The following DPP6 variants were observed in gnomAD, a reference collection of about 807,000 sequenced individuals.
DPP6 encodes the protein dipeptidyl peptidase like 6, also known as A-type potassium channel modulatory protein DPP6.
Under a neutral mutation model 122.6 loss-of-function variants are expected in DPP6, and 69 were observed. The ratio of observed to expected loss-of-function variants is 0.56; its 90% CI spans 0.46 to 0.69. The LOEUF (loss-of-function observed/expected upper bound fraction) is 0.69. Ranked by LOEUF, DPP6 falls within the 30% of genes least tolerant of loss-of-function variation. The probability of loss-of-function intolerance (pLI) is 0.00; values close to 1 mark genes in which losing one functional copy is unlikely to be tolerated. For synonymous variants in DPP6, 418 were observed against 433.1 expected, an observed-to-expected ratio of 0.97 and a Z score of 0.43; for missense variants, 928 against 1,116.9, an observed-to-expected ratio of 0.83 and a Z score of 2.41.
At position 154,672,734 on chromosome 7, in the gene DPP6, G is replaced by A. The variant is rs79620446; in HGVS notation, c.762+3293G>A. 2.1e-3 allele frequency among the ~76,000 whole-genome samples: 322 copies of A among 152,288 alleles called. 2 individuals carry two copies. The highest frequency in any genetic ancestry group is 0.016 in the Admixed American group (240 of 15,308). On this transcript the variant is annotated intron_variant, in intron 7 of 25. Transcript: ENST00000377770. ...TACATGCATGTACTGAGCTTAAGAC[G>A]CAATATAGCTCATTGTTGAGTGAGT...
chr7:154,492,333 A>G (rs993631474), intron 3 of DPP6, among the ~76,000 whole-genome samples: 4 of 152,228 alleles, frequency 2.6e-5, no homozygotes, highest in African/African-American at 7.2e-5. Context: ...CAAACATCAG[A>G]TAGCAATATC....
intron 1 of DPP6, among the ~76,000 whole-genome samples, chr7:154,214,047 A>G (rs575663192): frequency 2.3e-4 from 35 of 152,314 alleles, no homozygotes; most frequent in African/African-American, 6.5e-4. Flanking sequence ...TTCTTAGGAA[A>G]CATGAAGCCC....
At chr7:153,960,330 CT>C (rs1254757094) in intron 1 of DPP6, among the ~76,000 whole-genome samples, 2 of 151,980 alleles carry the variant, frequency 1.3e-5, no homozygotes, top group African/African-American at 4.8e-5. Flanking sequence ...AGTTGACTTC[CT>C]TGTGTACGCA....
chr7:153,943,780 T>A (rs937740979), intron 1 of DPP6, among the ~76,000 whole-genome samples: 1 of 152,194 alleles, frequency 6.6e-6, no homozygotes, highest in African/African-American at 2.4e-5. Flanking sequence ...TGCCTCCCCC[T>A]AAGCTAGCAG....
intron 1 of DPP6, among the ~76,000 whole-genome samples, chr7:154,304,612 A>G (rs1806134874): frequency 6.6e-6 from 1 of 152,088 alleles, no homozygotes; most frequent in African/African-American, 2.4e-5. Flanking sequence ...TTAATGGACA[A>G]ACACCCTTGA....
chr7:153,903,822 T>G (rs1012581134), intron 1 of DPP6, among the ~76,000 whole-genome samples: 2 of 152,202 alleles, frequency 1.3e-5, no homozygotes, highest in African/African-American at 2.4e-5. Context: ...GTGTTGCTAT[T>G]GTTTTCAGTA....
intron 3 of DPP6, among the ~76,000 whole-genome samples, chr7:154,525,359 T>C (rs1827321111): frequency 6.6e-6 from 1 of 152,156 alleles, no homozygotes; most frequent in Admixed American, 6.5e-5. Context: ...ATGTTGCCCA[T>C]CTAATTTTTC....
chr7:153,974,038 T>TA (rs1796169049), intron 1 of DPP6, among the ~76,000 whole-genome samples: 2 of 152,006 alleles, frequency 1.3e-5, no homozygotes, highest in Non-Finnish European at 2.9e-5. Flanking sequence ...AAGGGGGACT[T>TA]ACCTATGCAG....
intron 1 of DPP6, among the ~76,000 whole-genome samples, chr7:154,349,189 T>G (rs900437135): frequency 5.3e-5 from 8 of 152,192 alleles, no homozygotes; most frequent in Admixed American, 5.2e-4. Flanking sequence ...TTTGTTTTGT[T>G]TTTTGAGACG....
intron 7 of DPP6, among the ~76,000 whole-genome samples, chr7:154,720,839 T>C (rs938883316): frequency 6.6e-6 from 1 of 152,198 alleles, no homozygotes; most frequent in African/African-American, 2.4e-5. Flanking sequence ...GGTCTTTCAG[T>C]GAGAAGGGTC....
intron 5 of DPP6, among the ~76,000 whole-genome samples, chr7:154,634,621 CTCCTCCTCCTCCTCCTCTTCT>C (rs1459717560): frequency 1.4e-5 from 2 of 147,568 alleles, no homozygotes; most frequent in Admixed American, 6.9e-5. Context: ...AAGCAGTTCT[CTCCTCCTCCTCCTCCTCTTCT>C]TCCTCCTCCT....
intron 7 of DPP6, among the ~76,000 whole-genome samples, chr7:154,695,094 C>CG (rs1267112622): frequency 1.3e-5 from 2 of 152,134 alleles, no homozygotes; most frequent in Non-Finnish European, 2.9e-5. Context: ...ATTAGGAAGA[C>CG]GGGGGTGAGA....
chr7:153,787,774 A>G, the DPP6 span, among the ~76,000 whole-genome samples: 1 of 151,792 alleles, frequency 6.6e-6, no homozygotes, highest in Non-Finnish European at 1.5e-5. Flanking sequence ...AAAATAAGAA[A>G]AAAAGAAAAG....
At chr7:154,215,812 G>A (rs994373842) in intron 1 of DPP6, among the ~76,000 whole-genome samples, 12 of 152,164 alleles carry the variant, frequency 7.9e-5, no homozygotes, top group Middle Eastern at 6.8e-3. Flanking sequence ...TCTCTGGGTC[G>A]CCAGGTTCTT....
At chr7:154,474,004 G>T (rs1822512507) in intron 2 of DPP6, among the ~76,000 whole-genome samples, 1 of 152,184 alleles carries the variant, frequency 6.6e-6, no homozygotes, top group South Asian at 2.1e-4. Context: ...AAGTAAATAA[G>T]CATCCTAGGT....
chr7:153,802,213 C>A, the DPP6 span, among the ~76,000 whole-genome samples: 1 of 152,166 alleles, frequency 6.6e-6, no homozygotes, highest in African/African-American at 2.4e-5. Context: ...CCACCAGAAA[C>A]TTTGTTTCCT....
At chr7:154,216,961 G>C (rs943581651) in intron 1 of DPP6, among the ~76,000 whole-genome samples, 1 of 148,476 alleles carries the variant, frequency 6.7e-6, no homozygotes, top group Non-Finnish European at 1.5e-5. Flanking sequence ...GAAACAACTA[G>C]AAATATGAGA....
At chr7:154,462,942 A>AT (rs35080095) in intron 2 of DPP6, among the ~76,000 whole-genome samples, 1 of 151,640 alleles carries the variant, frequency 6.6e-6, no homozygotes, top group African/African-American at 2.4e-5. Flanking sequence ...TTGTAGGTTG[A>AT]TTTTTGTAAC....
intron 3 of DPP6, among the ~76,000 whole-genome samples, chr7:154,477,833 C>T (rs973231794): frequency 2.0e-5 from 3 of 152,150 alleles, no homozygotes; most frequent in Admixed American, 6.5e-5. Context: ...ATGGACCTGC[C>T]TTTGGTGTTG....
Sources: allele counts gnomAD v4.1 joint callset (sites outside exome capture counted in the v4.1 genomes callset), GRCh38; gene constraint gnomAD v4.1.1; transcripts MANE v1.5; gene names NCBI Gene and HGNC (gene_info 2026-07-23, HGNC 2026-07-21).